The following CTNND2 variants were observed in gnomAD, a reference collection of about 807,000 sequenced individuals.
CTNND2 encodes catenin delta 2, also known as catenin delta-2.
CTNND2 carries 22 observed loss-of-function variants against 144.4 expected under a neutral mutation model. The ratio of observed to expected loss-of-function variants is 0.15; its 90% confidence interval spans 0.11 to 0.22. The LOEUF (loss-of-function observed/expected upper bound fraction) is 0.22. CTNND2 is among the 10% of genes least tolerant of loss of function. CTNND2 has a pLI of 1.00. For synonymous variants in CTNND2, 751 were observed against 695.6 expected (o/e 1.08, Z -1.25); for missense variants, 1,353 against 1,618.8 (o/e 0.84, Z 2.82).
intron 3 of CTNND2, among the ~76,000 whole-genome samples, chr5:11,460,204 C>A (rs1766070718): frequency 6.6e-6 from 1 of 152,116 alleles, no homozygotes; most frequent in African/African-American, 2.4e-5. Flanking sequence ...GCCCACAACC[C>A]CACCAAAATC....
intron 2 of CTNND2, among the ~76,000 whole-genome samples, chr5:11,596,577 A>G (rs1399995187): frequency 6.6e-6 from 1 of 152,230 alleles, no homozygotes; most frequent in African/African-American, 2.4e-5. Context: ...GATATATCAC[A>G]TTTCAATACA....
intron 9 of CTNND2, among the ~76,000 whole-genome samples, chr5:11,298,632 T>C (rs536225487): frequency 1.1e-4 from 16 of 152,370 alleles, no homozygotes; most frequent in African/African-American, 3.8e-4. Context: ...GTTCTATTAC[T>C]TCTATGATCT....
At chr5:11,729,237 T>A (rs1351115269) in intron 2 of CTNND2, among the ~76,000 whole-genome samples, 1 of 152,126 alleles carries the variant, frequency 6.6e-6, no homozygotes, top group Admixed American at 6.5e-5. Flanking sequence ...AATAATACAT[T>A]TTTTAATTCC....
At chr5:11,610,005 G>A (rs1224458340) in intron 2 of CTNND2, among the ~76,000 whole-genome samples, 4 of 152,168 alleles carry the variant, frequency 2.6e-5, no homozygotes, top group South Asian at 4.1e-4. Context: ...ACAGCAATTC[G>A]GTTTGAGTCC....
intron 16 of CTNND2, among the ~76,000 whole-genome samples, chr5:11,080,919 A>G (rs1400943407): frequency 1.3e-5 from 2 of 152,180 alleles, no homozygotes; most frequent in African/African-American, 2.4e-5. Flanking sequence ...CCACTAAAAA[A>G]TACACAAATT....
chr5:11,308,740 G>C (rs768850492), intron 9 of CTNND2, among the ~76,000 whole-genome samples: 26 of 152,118 alleles, frequency 1.7e-4, no homozygotes, highest in Non-Finnish European at 2.2e-4. Flanking sequence ...TAATGGCTTG[G>C]ACCTTTCCAT....
chr5:11,039,098 A>G (rs1007952446), intron 16 of CTNND2, among the ~76,000 whole-genome samples: 6 of 151,954 alleles, frequency 3.9e-5, no homozygotes, highest in African/African-American at 9.7e-5. Context: ...AAGCAAGCAA[A>G]CAAACAAACA....
Position 10,973,788 on chromosome 5 carries a change from A to G in CTNND2, c.3418-75T>C. Reference sequence around the variant, plus strand: ...AGCCTGCCTCTTGCCCCGGCACCCAACTCTCCTTCAAAGAATAGGCTGTGT... The same window carrying G: ...AGCCTGCCTCTTGCCCCGGCACCCAGCTCTCCTTCAAAGAATAGGCTGTGT... On this transcript the variant is annotated intron_variant, in intron 21 of 21. Coordinates refer to ENST00000304623, the MANE Select transcript of CTNND2 (RefSeq NM_001332.4). The surrounding 1 kb of genome is among the most constrained non-coding windows in gnomAD (Gnocchi z 5.6). 6.8e-7 allele frequency: 1 copy of G among 1,479,486 alleles called. No homozygotes were observed. The highest frequency in any genetic ancestry group is 1.3e-5 in the South Asian group (1 of 74,214). 91.6% of individuals were successfully genotyped at this position (1,479,486 alleles called of 1,614,324 possible).
At chr5:11,362,158 G>A (rs1415268506) in intron 8 of CTNND2, among the ~76,000 whole-genome samples, 1 of 152,076 alleles carries the variant, frequency 6.6e-6, no homozygotes. Flanking sequence ...CAGGGTAGCG[G>A]TATGTACAAC....
intron 2 of CTNND2, among the ~76,000 whole-genome samples, chr5:11,721,151 C>T (rs1049932002): frequency 1.6e-4 from 24 of 152,078 alleles, no homozygotes; most frequent in African/African-American, 5.8e-4. Context: ...TAATGAAATC[C>T]CGATGCATGC....
intron 2 of CTNND2, among the ~76,000 whole-genome samples, chr5:11,673,278 T>C (rs572868729): frequency 6.6e-6 from 1 of 152,278 alleles, no homozygotes; most frequent in South Asian, 2.1e-4. Flanking sequence ...CAGAAAGCAA[T>C]TGCTGTAGAT....
intron 1 of CTNND2, among the ~76,000 whole-genome samples, chr5:11,751,836 G>C (rs1228398932): frequency 6.6e-6 from 1 of 151,778 alleles, no homozygotes; most frequent in Non-Finnish European, 1.5e-5. Flanking sequence ...AACAAGCAGT[G>C]TATAACATTC....
chr5:11,513,099 C>A (rs552702545), intron 3 of CTNND2, among the ~76,000 whole-genome samples: 1 of 152,116 alleles, frequency 6.6e-6, no homozygotes, highest in East Asian at 1.9e-4. Flanking sequence ...TGCATCAGAG[C>A]CCCACTGCCA....
chr5:11,484,140 T>C (rs1768569910), intron 3 of CTNND2, among the ~76,000 whole-genome samples: 1 of 152,312 alleles, frequency 6.6e-6, no homozygotes, highest in African/African-American at 2.4e-5. Context: ...AGTGCTTTCA[T>C]GTGTCCTTAA....
intron 1 of CTNND2, among the ~76,000 whole-genome samples, chr5:11,744,535 A>G (rs1179781820): frequency 1.3e-5 from 2 of 152,090 alleles, no homozygotes; most frequent in East Asian, 3.9e-4. Flanking sequence ...ATAAATGTAT[A>G]TAGGGAGACA....
intron 1 of CTNND2, among the ~76,000 whole-genome samples, chr5:11,809,944 GA>G (rs1792228609): frequency 6.6e-6 from 1 of 152,132 alleles, no homozygotes; most frequent in Middle Eastern, 3.2e-3. Context: ...TGCTGGCCTT[GA>G]AAATCCCAGG....
In CTNND2 at chr5:11,358,100, C is replaced by T. The variant is rs115729269; in HGVS notation, c.1372+6596G>A. 6.1e-3 allele frequency among the ~76,000 whole-genome samples: 933 copies of T among 152,268 alleles called. 5 individuals carry two copies. The highest frequency in any genetic ancestry group is 0.019 in the African/African-American group (776 of 41,556). On this transcript the variant is annotated intron_variant, in intron 8 of 21. Coordinates refer to ENST00000304623, the MANE Select transcript of CTNND2 (RefSeq NM_001332.4). ...TGCTACGCTTAATGATGTAATTCCA[C>T]GTATGAGGTGACACATCTTCCAGTA... is the stretch of plus-strand genomic sequence containing the variant.
rs562765741 is a variant in CTNND2 at position 11,021,809 on chromosome 5, G to A, written c.2999+960C>T. Among the ~76,000 whole-genome samples the A allele has an allele frequency of 3.3e-3, 496 of 151,592 alleles. 1 individual carries two copies. Among genetic ancestry groups the A allele is most frequent in the Non-Finnish European group, 5.2e-3 (354 of 67,852 alleles). On this transcript the variant is annotated intron_variant, in intron 17 of 21. Coordinates refer to ENST00000304623, the MANE Select transcript of CTNND2 (RefSeq NM_001332.4). Reference sequence around the variant, plus strand: ...AACTATTTAGCATTTACATGTAAAAGAATGGGGGGTGGGGGTGGCTTGGCA... The same window carrying A: ...AACTATTTAGCATTTACATGTAAAAAAATGGGGGGTGGGGGTGGCTTGGCA...
chr5:11,764,296 T>C (rs1352073169), intron 1 of CTNND2, among the ~76,000 whole-genome samples: 1 of 152,168 alleles, frequency 6.6e-6, no homozygotes, highest in African/African-American at 2.4e-5. Context: ...ATTGGCCAAG[T>C]GAGGCCTATT....
Sources: allele counts gnomAD v4.1 joint callset (sites outside exome capture counted in the v4.1 genomes callset), GRCh38; gene constraint gnomAD v4.1.1; non-coding constraint Gnocchi (gnomAD v3.1); transcripts MANE v1.5; gene names NCBI Gene and HGNC (gene_info 2026-07-23, HGNC 2026-07-21).